The following BLTP2 variants were observed in gnomAD, a reference collection of about 807,000 sequenced individuals.
BLTP2 encodes U937-associated antigen.
At chr17:28,642,182 T>TA in the BLTP2 span, 2 of 1,580,768 alleles carry the variant, frequency 1.3e-6, no homozygotes, top group South Asian at 1.1e-5. Context: ...GGGAACCCCC[T>TA]AAGGTCAAAG....
At chr17:28,618,766 T>C in the BLTP2 span, 18 of 1,592,806 alleles carry the variant, frequency 1.1e-5, no homozygotes, top group African/African-American at 1.6e-4. Context: ...ACAGCTGCCT[T>C]TGTGTGACCA....
chr17:28,637,606 G>A, the BLTP2 span, among the ~76,000 whole-genome samples: 8 of 152,146 alleles, frequency 5.3e-5, no homozygotes, highest in Non-Finnish European at 1.2e-4. Context: ...ATTAAATGAG[G>A]AGCAGACTAA....
chr17:28,615,889 A>C, the BLTP2 span: 2 of 1,393,826 alleles, frequency 1.4e-6, no homozygotes, highest in African/African-American at 2.8e-5. Flanking sequence ...TTGAGTGCCA[A>C]GTCCTACAAT....
At chr17:28,638,097 A>G in the BLTP2 span, 1 of 1,613,328 alleles carries the variant, frequency 6.2e-7, no homozygotes, top group Non-Finnish European at 8.5e-7. Flanking sequence ...TAGCTACCCT[A>G]GAGAAGAAGC....
At chr17:28,628,348 C>G in the BLTP2 span, 2 of 1,614,176 alleles carry the variant, frequency 1.2e-6, no homozygotes, top group Non-Finnish European at 1.7e-6. Flanking sequence ...TGGGACACCC[C>G]GCTTTGGCTT....
chr17:28,637,759 C>T, the BLTP2 span: 5 of 1,458,556 alleles, frequency 3.4e-6, no homozygotes, highest in Non-Finnish European at 4.7e-6. Context: ...GCAAACTCTG[C>T]CTCCTGGGTT....
the BLTP2 span, among the ~76,000 whole-genome samples, chr17:28,617,848 C>T: frequency 6.6e-6 from 1 of 151,986 alleles, no homozygotes; most frequent in African/African-American, 2.4e-5. Flanking sequence ...CAACATCCAT[C>T]TCCTTCCTGG....
At chr17:28,618,794 G>C in the BLTP2 span, 1 of 1,612,302 alleles carries the variant, frequency 6.2e-7, no homozygotes, top group South Asian at 1.1e-5. Context: ...CAGATACCTT[G>C]CTGTAGAGGA....
At chr17:28,620,871 G>T in the BLTP2 span, 1 of 1,039,008 alleles carries the variant, frequency 9.6e-7, no homozygotes, top group Non-Finnish European at 1.4e-6. Context: ...AAAGTGAAAT[G>T]TTAATGCCAG....
chr17:28,624,177 G>A, the BLTP2 span: 1 of 1,568,384 alleles, frequency 6.4e-7, no homozygotes, highest in Admixed American at 1.8e-5. Context: ...GGGGGAAGGG[G>A]AACAATATGA....
At chr17:28,637,956 GA>G in the BLTP2 span, 1 of 1,614,156 alleles carries the variant, frequency 6.2e-7, no homozygotes, top group Non-Finnish European at 8.5e-7. Flanking sequence ...CCAGATTGTG[GA>G]CCCATCAGGG....
the BLTP2 span, chr17:28,619,687 T>C: frequency 6.2e-7 from 1 of 1,614,068 alleles, no homozygotes; most frequent in Non-Finnish European, 8.5e-7. Context: ...ACTTTCCAGC[T>C]GCAGGTTGGC....
At chr17:28,615,712 G>A in the BLTP2 span, 1,352 of 1,614,186 alleles carry the variant, frequency 8.4e-4, 6 homozygotes, top group African/African-American at 0.015. Context: ...CCATGGCAAA[G>A]TCTAGCCATG....
the BLTP2 span, chr17:28,642,285 C>G: frequency 6.2e-7 from 1 of 1,614,188 alleles, no homozygotes; most frequent in Non-Finnish European, 8.5e-7. Context: ...CAGCTGACCA[C>G]TCTTTAGAAC....
At chr17:28,633,463 T>A in the BLTP2 span, 1 of 1,575,260 alleles carries the variant, frequency 6.3e-7, no homozygotes, top group South Asian at 1.1e-5. Flanking sequence ...ATCTCCCAAA[T>A]CAGCACCTGT....
the BLTP2 span, chr17:28,618,570 A>G: frequency 5.3e-6 from 2 of 373,900 alleles, no homozygotes; most frequent in South Asian, 1.8e-4. Context: ...CTCTCCCCCT[A>G]TGGCATCAGA....
chr17:28,643,678 A>T, the BLTP2 span: 1 of 1,613,340 alleles, frequency 6.2e-7, no homozygotes, highest in Non-Finnish European at 8.5e-7. Flanking sequence ...GTGAGGGAGA[A>T]AGCTCTGTGT....
the BLTP2 span, chr17:28,628,655 C>T: frequency 9.8e-7 from 1 of 1,024,416 alleles, no homozygotes; most frequent in Admixed American, 2.3e-5. Flanking sequence ...AACCTGTTGG[C>T]CAGATGCCAT....
chr17:28,624,819 C>CCCTCTTCCTTCTCCCAGGT, the BLTP2 span, among the ~76,000 whole-genome samples: 1 of 152,144 alleles, frequency 6.6e-6, no homozygotes. Flanking sequence ...TGTCTCCAGG[C>CCCTCTTCCTTCTCCCAGGT]CCTCTTCCTT....
Sources: allele counts gnomAD v4.1 joint callset (sites outside exome capture counted in the v4.1 genomes callset), GRCh38; gene constraint gnomAD v4.1.1; transcripts MANE v1.5; gene names NCBI Gene and HGNC (gene_info 2026-07-23, HGNC 2026-07-21).